ADD2: variants seen among roughly 807,000 people sequenced by gnomAD.
ADD2 encodes the protein adducin 2.
ADD2 carries 23 observed loss-of-function variants against 83.0 expected under a neutral mutation model. The observed-to-expected ratio is 0.28, with a 90% CI of 0.20 to 0.39. The LOEUF (loss-of-function observed/expected upper bound fraction) is 0.39, where lower values mean the gene tolerates loss of function less well. ADD2 is among the 10% of genes least tolerant of loss of function. The probability of loss-of-function intolerance (pLI) is 1.00; values close to 1 mark genes in which losing one functional copy is unlikely to be tolerated. For missense variants in ADD2, 758 were observed against 944.9 expected (o/e 0.80, Z 2.59); for synonymous variants, 375 against 375.4 (o/e 1.00, Z 0.01).
intron 8 of ADD2, among the ~76,000 whole-genome samples, chr2:70,690,550 G>A (rs1193618137): frequency 7.9e-5 from 12 of 152,028 alleles, no homozygotes; most frequent in Admixed American, 5.9e-4. Flanking sequence ...AACATACAAA[G>A]GTAATTACTA....
intron 1 of ADD2, among the ~76,000 whole-genome samples, chr2:70,731,806 T>C (rs1475106420): frequency 6.6e-6 from 1 of 152,172 alleles, no homozygotes; most frequent in Non-Finnish European, 1.5e-5. Flanking sequence ...CTGCCTTCAT[T>C]AGGCAGCACC....
At chr2:70,728,438 G>A (rs1485883367) in intron 1 of ADD2, among the ~76,000 whole-genome samples, 1 of 152,214 alleles carries the variant, frequency 6.6e-6, no homozygotes, top group Non-Finnish European at 1.5e-5. Context: ...ATGCCTGTGT[G>A]AGGAGTCAGT....
intron 1 of ADD2, among the ~76,000 whole-genome samples, chr2:70,719,995 TC>T (rs1444138128): frequency 6.6e-6 from 1 of 150,926 alleles, no homozygotes; most frequent in Non-Finnish European, 1.5e-5. Flanking sequence ...TGGGTATGTA[TC>T]CTTTTTTGTC....
At chr2:70,691,376 G>A (rs1484758808) in intron 7 of ADD2, among the ~76,000 whole-genome samples, 1 of 152,024 alleles carries the variant, frequency 6.6e-6, no homozygotes, top group East Asian at 1.9e-4. Context: ...TGCAGACTAG[G>A]TCACAATTTT....
chr2:70,677,917 A>G, intron 11 of ADD2, 40 bp from the exon 12 acceptor site: 1 of 1,612,668 alleles, frequency 6.2e-7, no homozygotes, highest in Non-Finnish European at 8.5e-7. Flanking sequence ...GTGAGGGAAC[A>G]GGCCCATGAG....
intron 1 of ADD2, among the ~76,000 whole-genome samples, chr2:70,757,059 C>A (rs903464956): frequency 6.6e-6 from 1 of 152,162 alleles, no homozygotes; most frequent in Non-Finnish European, 1.5e-5. Context: ...AACTCCTGAC[C>A]TCAAGTGATC....
At chr2:70,711,441 G>A (rs1434021046) in intron 2 of ADD2, among the ~76,000 whole-genome samples, 3 of 152,054 alleles carry the variant, frequency 2.0e-5, no homozygotes, top group Admixed American at 6.6e-5. Context: ...CACCAATCCC[G>A]CCACTTCCAA....
chr2:70,765,708 A>G (rs78083738), intron 1 of ADD2, among the ~76,000 whole-genome samples: 1 of 152,374 alleles, frequency 6.6e-6, no homozygotes, highest in East Asian at 1.9e-4. Context: ...CTTATGCTGC[A>G]AGAAAGTTTA....
intron 4 of ADD2, among the ~76,000 whole-genome samples, chr2:70,703,013 C>A (rs1193895999): frequency 1.3e-5 from 2 of 152,000 alleles, no homozygotes; most frequent in Non-Finnish European, 2.9e-5. Context: ...GTGGTCCCAG[C>A]TACTTGGCAG....
At chr2:70,767,776 C>G in intron 1 of ADD2, 110 bp downstream of exon 1, 3 of 1,470,604 alleles carry the variant, frequency 2.0e-6, no homozygotes, top group Non-Finnish European at 2.7e-6. Context: ...GCAACAGACG[C>G]GCCCCACCTG....
chr2:70,676,961 G>A lies in ADD2; in HGVS notation c.1504-76C>T. On this transcript the variant is annotated intron_variant, in intron 12 of 15. Coordinates refer to ENST00000264436, the MANE Select transcript of ADD2 (RefSeq NM_001617.4). The surrounding 1 kb of genome is among the most constrained non-coding windows in gnomAD (Gnocchi z 4.8). ...GGAGTTTGGGAGGGGGCATACGGGTGTGCCTGGGGTCTAGAAAGGTCCTCT... is the reference window on the plus strand; with the variant it reads ...GGAGTTTGGGAGGGGGCATACGGGTATGCCTGGGGTCTAGAAAGGTCCTCT... 3.2e-6 allele frequency: 5 copies of A among 1,558,142 alleles called. No homozygotes were observed. The highest frequency in any genetic ancestry group is 4.4e-6 in the Non-Finnish European group (5 of 1,148,066).
At position 70,685,721 on chromosome 2, in the gene ADD2, T is replaced by C. The variant is rs570904041; in HGVS notation, c.949-1954A>G. 2.0e-5 allele frequency among the ~76,000 whole-genome samples: 3 copies of C among 152,306 alleles called. No homozygotes were observed. In the South Asian group the frequency reaches 6.2e-4, roughly 32 times the overall value. The stretch of plus-strand genomic sequence containing the variant: ...GGGTGAAGTATAATGTTCTAATGAA[T>C]GAATTTTGAGAAGCGCTATTCCCTG... On this transcript the variant is annotated intron_variant, in intron 9 of 15. Coordinates refer to ENST00000264436, the MANE Select transcript of ADD2 (RefSeq NM_001617.4).
At chr2:70,745,549 T>A (rs1553381844) in intron 1 of ADD2, among the ~76,000 whole-genome samples, 1 of 151,956 alleles carries the variant, frequency 6.6e-6, no homozygotes. Context: ...GTTTCTAACA[T>A]CCCCACACAA....
At chr2:70,747,878 A>G (rs965353301) in intron 1 of ADD2, among the ~76,000 whole-genome samples, 2 of 152,220 alleles carry the variant, frequency 1.3e-5, no homozygotes, top group Non-Finnish European at 2.9e-5. Context: ...TTGAAATTCA[A>G]TTGTTTTTTG....
chr2:70,754,692 C>T (rs978462732), intron 1 of ADD2, among the ~76,000 whole-genome samples: 2 of 152,144 alleles, frequency 1.3e-5, no homozygotes, highest in Admixed American at 6.5e-5. Context: ...TCGTGGCCTC[C>T]AATGCCACTT....
At chr2:70,731,408 G>A (rs1673274957) in intron 1 of ADD2, among the ~76,000 whole-genome samples, 3 of 152,182 alleles carry the variant, frequency 2.0e-5, no homozygotes, top group African/African-American at 7.2e-5. Context: ...AAGACCATGT[G>A]CGATTAGGAG....
At chr2:70,711,617 A>T (rs1047955973) in intron 2 of ADD2, among the ~76,000 whole-genome samples, 1 of 152,008 alleles carries the variant, frequency 6.6e-6, no homozygotes. Flanking sequence ...GGTGTGGGGG[A>T]ACTTCCTAGT....
chr2:70,663,793 C>T (rs1675638008), intron 15 of ADD2, 58 bp from the exon 16 acceptor site: 1 of 1,524,470 alleles, frequency 6.6e-7, no homozygotes, highest in Admixed American at 1.9e-5. Context: ...CAGCTTCCAC[C>T]TGGGGCTAAC....
At chr2:70,718,936 G>A (rs1553376883) in intron 1 of ADD2, among the ~76,000 whole-genome samples, 1 of 152,228 alleles carries the variant, frequency 6.6e-6, no homozygotes, top group Non-Finnish European at 1.5e-5. Flanking sequence ...CCTGGCAGAA[G>A]CCTTGAGGAC....
Sources: gnomAD v4.1 joint callset for allele counts (sites outside exome capture counted in the v4.1 genomes callset) on GRCh38, gnomAD v4.1.1 for gene constraint, Gnocchi (gnomAD v3.1) non-coding constraint, MANE v1.5 for transcripts, NCBI Gene and HGNC (gene_info 2026-07-23, HGNC 2026-07-21) for gene names.